The following PADI4 variants were observed in gnomAD, a reference collection of about 807,000 sequenced individuals.
PADI4 encodes the protein protein-arginine deiminase type-4.
In PADI4, 62 loss-of-function variants were observed where a neutral mutation model predicts 75.0. That is an observed-to-expected ratio of 0.83 (90% CI 0.67 to 1.02). PADI4 has a LOEUF of 1.02. Ranked by LOEUF, PADI4 falls within the 50% of genes least tolerant of loss-of-function variation. The pLI is 0.00. For synonymous variants in PADI4, 361 were observed against 348.1 expected, an observed-to-expected ratio of 1.04 and a Z score of -0.41; for missense variants, 845 against 850.5, an observed-to-expected ratio of 0.99 and a Z score of 0.08.
chr1:17,331,456 T>C (rs2074210666), intron 2 of PADI4, among the ~76,000 whole-genome samples: 1 of 152,160 alleles, frequency 6.6e-6, no homozygotes, highest in African/African-American at 2.4e-5. Flanking sequence ...CAGCTGAGGG[T>C]GCAGCCCTCA....
chr1:17,347,334 A>C (rs1416813812), intron 9 of PADI4, among the ~76,000 whole-genome samples: 1 of 152,158 alleles, frequency 6.6e-6, no homozygotes, highest in Non-Finnish European at 1.5e-5. Context: ...GGTTCATCCT[A>C]ATAGTAACTT....
intron 1 of PADI4, among the ~76,000 whole-genome samples, chr1:17,329,122 C>A (rs563305354): frequency 1.4e-5 from 2 of 147,066 alleles, no homozygotes; most frequent in Non-Finnish European, 3.0e-5. Context: ...ATTTTTTGTA[C>A]GAGTGCACGA....
intron 10 of PADI4, among the ~76,000 whole-genome samples, chr1:17,353,864 C>A (rs189436406): frequency 6.6e-6 from 1 of 152,258 alleles, no homozygotes; most frequent in African/African-American, 2.4e-5. Flanking sequence ...TTCCTCAGGG[C>A]CTCCAGGAGG....
intron 15 of PADI4, among the ~76,000 whole-genome samples, chr1:17,359,880 G>A (rs2074824938): frequency 6.6e-6 from 1 of 152,232 alleles, no homozygotes; most frequent in African/African-American, 2.4e-5. Context: ...AGAGGGTCCT[G>A]GGCTGATCTA....
intron 1 of PADI4, among the ~76,000 whole-genome samples, chr1:17,316,690 A>AAAAT (rs1553142312): frequency 0.066 from 8,034 of 122,442 alleles, 304 homozygotes; most frequent in East Asian, 0.17. Flanking sequence ...ACTCCGTCTC[A>AAAAT]AAATAAATAA....
At chr1:17,309,327 T>G (rs1050222834) in intron 1 of PADI4, among the ~76,000 whole-genome samples, 4 of 152,158 alleles carry the variant, frequency 2.6e-5, no homozygotes, top group Non-Finnish European at 5.9e-5. Flanking sequence ...AAACTCAAGC[T>G]GTAAAAATTT....
At position 17,333,960 on chromosome 1, in the gene PADI4, C is replaced by T. The variant is rs369225926; in HGVS notation, c.291C>T (p.Tyr97=). 141 of 1,612,214 alleles carry T rather than the reference C, an allele frequency of 8.7e-5. No individual in the cohort carries two copies. Among genetic ancestry groups the T allele is most frequent in the South Asian group, 1.5e-4 (14 of 91,056 alleles). ...TCCCATAGGTTCAGATTTCATACTA[C>T]GGACCCAAGACTCCACCAGTCAAAG... The part of the protein sequence containing the change: ...TGDQKVQISY[Y]GPKTPPVKAL... Residue 97 remains tyrosine (Y), a synonymous_variant, in exon 3 of 16, where the codon TAC becomes TAT. Transcript: ENST00000375448.
At chr1:17,343,576 A>G (rs1470151900) in intron 8 of PADI4, among the ~76,000 whole-genome samples, 1 of 152,088 alleles carries the variant, frequency 6.6e-6, no homozygotes, top group Non-Finnish European at 1.5e-5. Context: ...TCTCCACCCA[A>G]ATCTTATCTT....
chr1:17,346,091 G>A lies in PADI4; in HGVS notation c.999G>A (p.Lys333=), dbSNP rs1256700910. 1.2e-6 allele frequency: 2 copies of A among 1,613,958 alleles called. No individual in the cohort carries two copies. The highest frequency in any genetic ancestry group is 1.7e-6 in the Non-Finnish European group (2 of 1,179,888). Residue 333 remains lysine (K), a synonymous_variant, in exon 9 of 16, where the codon AAG becomes AAA. Transcript: ENST00000375448. The surrounding 1 kb of genome is among the most constrained non-coding windows in gnomAD (Gnocchi z 4.3). The stretch of plus-strand genomic sequence containing the variant: ...CTCTGGCCATGAAAGCCAAGTGCAA[G>A]CTGACCATCTGCCCTGAGGAGGAGA... ...VTTLAMKAKC[K]LTICPEEENM...
At chr1:17,348,078 G>A in intron 10 of PADI4, 30 bp downstream of exon 10, 1 of 1,397,138 alleles carries the variant, frequency 7.2e-7, no homozygotes, top group Non-Finnish European at 1.0e-6. Context: ...AGGGGGCACA[G>A]CTGCCGAAAC....
chr1:17,325,314 A>C (rs1052885486), intron 1 of PADI4, among the ~76,000 whole-genome samples: 1 of 152,114 alleles, frequency 6.6e-6, no homozygotes, highest in South Asian at 2.1e-4. Flanking sequence ...ATTTTGCTAG[A>C]TTTATCCTAG....
chr1:17,352,021 C>CAGT (rs1557576606), intron 10 of PADI4, among the ~76,000 whole-genome samples: 171 of 13,118 alleles, frequency 0.013, 7 homozygotes, highest in Non-Finnish European at 0.017. Context: ...GGAGAGGCGG[C>CAGT]CAGGGAGGTG....
intron 6 of PADI4, among the ~76,000 whole-genome samples, chr1:17,340,079 CCTCCTGGTTATAG>C (rs1166704328): frequency 2.0e-5 from 3 of 151,680 alleles, no homozygotes; most frequent in African/African-American, 7.3e-5. Flanking sequence ...CACACACACA[CCTCCTGGTTATAG>C]ACTTTGAGTG....
At chr1:17,337,460 G>A (rs1419838052) in intron 4 of PADI4, among the ~76,000 whole-genome samples, 1 of 152,080 alleles carries the variant, frequency 6.6e-6, no homozygotes, top group African/African-American at 2.4e-5. Context: ...TTTCTTAAAA[G>A]CTGTTAAAAT....
At chr1:17,350,858 CA>C (rs2074603866) in intron 10 of PADI4, among the ~76,000 whole-genome samples, 1 of 128,684 alleles carries the variant, frequency 7.8e-6, no homozygotes, top group African/African-American at 2.5e-5. Context: ...ATGAATAGAA[CA>C]AAGCAGTTAT....
At chr1:17,321,331 C>T (rs1285553993) in intron 1 of PADI4, among the ~76,000 whole-genome samples, 1 of 152,164 alleles carries the variant, frequency 6.6e-6, no homozygotes. Flanking sequence ...GCACGGGGGA[C>T]CACTGGGGGC....
chr1:17,327,430 T>C (rs2074133673), intron 1 of PADI4, among the ~76,000 whole-genome samples: 1 of 152,218 alleles, frequency 6.6e-6, no homozygotes, highest in Non-Finnish European at 1.5e-5. Flanking sequence ...CTTTTCTGGA[T>C]CGTTATATTT....
chr1:17,330,509 C>A (rs11583124), intron 1 of PADI4, among the ~76,000 whole-genome samples: 1 of 152,172 alleles, frequency 6.6e-6, no homozygotes, highest in African/African-American at 2.4e-5. Flanking sequence ...AGGAAGCCAA[C>A]AATGCAGCCT....
intron 3 of PADI4, chr1:17,334,686 C>T (rs2074279211): frequency 2.2e-6 from 1 of 452,626 alleles, no homozygotes. Flanking sequence ...GATAGTGTTC[C>T]TCAAATTCCA....
Sources: gnomAD v4.1 joint callset for allele counts (sites outside exome capture counted in the v4.1 genomes callset) on GRCh38, gnomAD v4.1.1 for gene constraint, Gnocchi (gnomAD v3.1) non-coding constraint, MANE v1.5 for transcripts, NCBI Gene and HGNC (gene_info 2026-07-23, HGNC 2026-07-21) for gene names.